The following STRA8 variants were observed in gnomAD, a reference collection of about 807,000 sequenced individuals.
The protein encoded by STRA8 is stimulated by retinoic acid gene 8 protein homolog.
A neutral mutation model predicts 37.1 loss-of-function variants in STRA8; 18 were observed. The ratio of observed to expected loss-of-function variants is 0.48; its 90% CI spans 0.34 to 0.72. The LOEUF is 0.72. Ranked by LOEUF, STRA8 falls within the 30% of genes least tolerant of loss-of-function variation. The probability of loss-of-function intolerance (pLI) is 0.01; values close to 1 mark genes in which losing one functional copy is unlikely to be tolerated. For synonymous variants in STRA8, 168 were observed against 162.9 expected (o/e 1.03, Z -0.24); for missense variants, 357 against 410.4 (o/e 0.87, Z 1.13).
At chr7:135,240,754 G>A (rs753144409) in intron 2 of STRA8, 38 bp downstream of exon 2, 12 of 1,603,200 alleles carry the variant, frequency 7.5e-6, no homozygotes, top group East Asian at 4.5e-5. Flanking sequence ...ACATCTCCAC[G>A]GGGAAGGAGA....
chr7:135,240,330 C>G (rs1463199059), intron 1 of STRA8, among the ~76,000 whole-genome samples, 189 bp from the exon 2 acceptor site: 1 of 152,184 alleles, frequency 6.6e-6, no homozygotes, highest in Non-Finnish European at 1.5e-5. Context: ...CTTCAAAGGG[C>G]TTTTGTAAAC....
intron 8 of STRA8, 62 bp downstream of exon 8, chr7:135,255,287 C>A: frequency 1.5e-6 from 2 of 1,307,410 alleles, no homozygotes; most frequent in Admixed American, 1.7e-5. Flanking sequence ...AAAAAGGGCT[C>A]TTAAGGGCAG....
chr7:135,240,567 A>C lies in STRA8; in HGVS notation c.43A>C (p.Thr15Pro). The change falls in exon 2 of 9, where the codon ACA becomes CCA. Residue 15 changes from threonine to proline, a missense_variant. Physicochemically the swap from Thr to Pro is conservative, Grantham distance 38 (BLOSUM62 -1). Coordinates refer to ENST00000662584, the MANE Select transcript of STRA8 (RefSeq NM_001394401.1). ...AAACAGCAATCCCCATGACAGAGCA[A>C]CACCCCAGCTGCCAGCACAGCTGCA... ...EENSNPHDRA[T>P]PQLPAQLQEL... The C allele has an allele frequency of 1.2e-6, 2 of 1,614,068 alleles. No homozygotes were observed. The highest frequency in any genetic ancestry group is 8.5e-7 in the Non-Finnish European group (1 of 1,180,024).
At chr7:135,240,127 C>T in intron 1 of STRA8, among the ~76,000 whole-genome samples, 1 of 152,072 alleles carries the variant, frequency 6.6e-6, no homozygotes, top group South Asian at 2.1e-4. Flanking sequence ...AAAATTAACC[C>T]CTGAAATTAA....
rs144431845 is a variant in STRA8, at chr7:135,246,848, C to CTT, written c.879+159_879+160dup. 554 of 673,858 alleles carry CTT rather than the reference C, an allele frequency of 8.2e-4. No homozygotes were observed. Among genetic ancestry groups the CTT allele is most frequent in the African/African-American group, 9.9e-4 (50 of 50,506 alleles). 41.7% of individuals were successfully genotyped at this position (673,858 alleles called of 1,614,324 possible). On this transcript the variant is annotated intron_variant, in intron 6 of 8. Coordinates refer to ENST00000662584, the MANE Select transcript of STRA8 (RefSeq NM_001394401.1). This position sits in a 1 kb window ranked among gnomAD's most constrained non-coding sequence, Gnocchi z 5.4. Reference sequence around the variant, plus strand: ...GTCGGTTTCTGATTTTCTTTTTTCTCTTTTTTTTTTTTTTGAGACGGAGTC... The same window carrying CTT: ...GTCGGTTTCTGATTTTCTTTTTTCTCTTTTTTTTTTTTTTTTGAGACGGAGTC...
intron 1 of STRA8, among the ~76,000 whole-genome samples, chr7:135,236,289 T>G (rs908707316): frequency 6.6e-6 from 1 of 151,700 alleles, no homozygotes; most frequent in Non-Finnish European, 1.5e-5. Context: ...TGTGTGTGTG[T>G]GTGTGTGTGT....
At chr7:135,251,977 C>CAGAGAG in intron 7 of STRA8, 108 bp downstream of exon 7, 1 of 861,552 alleles carries the variant, frequency 1.2e-6, no homozygotes, top group Non-Finnish European at 1.8e-6. Context: ...TGTGGTAAGT[C>CAGAGAG]AGAGACAGAG....
chr7:135,251,587 G>GCCACC (rs1832634410), intron 6 of STRA8, among the ~76,000 whole-genome samples: 2 of 152,180 alleles, frequency 1.3e-5, no homozygotes, highest in African/African-American at 4.8e-5. Flanking sequence ...AGGGTTGGCA[G>GCCACC]TTTGTCCTGG....
At chr7:135,249,897 A>G (rs1295653006) in intron 6 of STRA8, among the ~76,000 whole-genome samples, 2 of 152,232 alleles carry the variant, frequency 1.3e-5, no homozygotes, top group African/African-American at 2.4e-5. Flanking sequence ...TATTAAGGGA[A>G]GCTGGCAGCA....
rs1832686524 is a variant in STRA8, at chr7:135,255,121, C to T, written c.961C>T (p.Leu321Phe). 2.5e-6 allele frequency: 4 copies of T among 1,613,708 alleles called. No individual in the cohort carries two copies. The highest frequency in any genetic ancestry group is 3.4e-6 in the Non-Finnish European group (4 of 1,179,746). ...CTTCCTTTCTGTTGTCAGTTCAGTG[C>T]TTGCCAGCTGCAACCCAGAAAACCC... ...VPSTSSSSSV[L>F]ASCNPENPEE... The change falls in exon 8 of 9, where the codon CTT becomes TTT. Residue 321 changes from leucine (L) to phenylalanine (F), a missense_variant. Coordinates refer to ENST00000662584, the MANE Select transcript of STRA8 (RefSeq NM_001394401.1).
At chr7:135,244,900 AG>A (rs1194942136) in intron 4 of STRA8, among the ~76,000 whole-genome samples, 1 of 152,172 alleles carries the variant, frequency 6.6e-6, no homozygotes, top group Admixed American at 6.5e-5. Flanking sequence ...CCTGATCAAG[AG>A]GGGAAACTGT....
chr7:135,236,908 G>A (rs1356300901), intron 1 of STRA8, among the ~76,000 whole-genome samples: 1 of 152,196 alleles, frequency 6.6e-6, no homozygotes, highest in African/African-American at 2.4e-5. Context: ...AATCATCTAT[G>A]TCTATGCATG....
At chr7:135,235,926 T>C (rs1832369458) in intron 1 of STRA8, among the ~76,000 whole-genome samples, 1 of 151,906 alleles carries the variant, frequency 6.6e-6, no homozygotes, top group African/African-American at 2.4e-5. Context: ...CCGGGCAACA[T>C]AGTGAGACCC....
At chr7:135,237,751 T>C (rs1001773364) in intron 1 of STRA8, among the ~76,000 whole-genome samples, 6 of 151,588 alleles carry the variant, frequency 4.0e-5, no homozygotes, top group African/African-American at 1.5e-4. Context: ...AATTAGCCAG[T>C]CGTGGTGGTG....
In STRA8 at chr7:135,246,983, T is replaced by C. The variant is rs1289675004; in HGVS notation, c.879+281T>C. Among the ~76,000 whole-genome samples, 1 of 152,128 alleles carries C rather than the reference T, an allele frequency of 6.6e-6. No individual in the cohort carries two copies. Among genetic ancestry groups the C allele is most frequent in the Non-Finnish European group, 1.5e-5 (1 of 68,000 alleles). On this transcript the variant is annotated intron_variant, in intron 6 of 8. Transcript: ENST00000662584. The surrounding 1 kb of genome is among the most constrained non-coding windows in gnomAD (Gnocchi z 5.4). ...CCTCAGCCTCCCGAATAGCTGGGAC[T>C]ACAGGCGCCCGCCACCACGCCCGGC... is the stretch of plus-strand genomic sequence containing the variant.
At position 135,240,531 on chromosome 7, in the gene STRA8, A is replaced by G; in HGVS notation, c.7A>G (p.Thr3Ala). Residue 3 changes from threonine to alanine, a missense_variant, in exon 2 of 9, where the codon ACC becomes GCC. Transcript: ENST00000662584. MA[T>A]PEENSNPHDR... ...TATTACATTACAGCTTATAATGGCA[A>G]CCCCTGAAGAAAACAGCAATCCCCA... The G allele has an allele frequency of 6.2e-7, 1 of 1,613,872 alleles. No homozygotes were observed. The highest frequency in any genetic ancestry group is 8.5e-7 in the Non-Finnish European group (1 of 1,179,982).
chr7:135,251,771 C>T, intron 6 of STRA8, 25 bp from the exon 7 acceptor site: 5 of 1,612,932 alleles, frequency 3.1e-6, no homozygotes, highest in East Asian at 2.2e-5. Context: ...ATTTCCAACA[C>T]ATGAAGTGTT....
intron 7 of STRA8, among the ~76,000 whole-genome samples, chr7:135,252,904 A>G (rs886507164): frequency 2.6e-5 from 4 of 152,120 alleles, no homozygotes; most frequent in African/African-American, 9.7e-5. Flanking sequence ...GTGTAGGGGC[A>G]AGGAATCTCT....
At position 135,246,832 on chromosome 7, in the gene STRA8, T is replaced by G; in HGVS notation, c.879+130T>G. ...CCTTCTGGCTCCCAAGGTCGGTTTC[T>G]GATTTTCTTTTTTCTCTTTTTTTTT... On this transcript the variant is annotated intron_variant, in intron 6 of 8. Coordinates refer to ENST00000662584, the MANE Select transcript of STRA8 (RefSeq NM_001394401.1). The surrounding 1 kb of genome is among the most constrained non-coding windows in gnomAD (Gnocchi z 5.4). 9.9e-7 allele frequency: 1 copy of G among 1,014,982 alleles called. No individual in the cohort carries two copies. The highest frequency in any genetic ancestry group is 1.4e-6 in the Non-Finnish European group (1 of 733,942). The allele number at this position is 1,014,982 out of a possible 1,614,324, so 62.9% of individuals were successfully genotyped here.
Sources: allele counts gnomAD v4.1 joint callset (sites outside exome capture counted in the v4.1 genomes callset), GRCh38; gene constraint gnomAD v4.1.1; non-coding constraint Gnocchi (gnomAD v3.1); transcripts MANE v1.5; gene names NCBI Gene and HGNC (gene_info 2026-07-23, HGNC 2026-07-21).